Variants in HTRA3 observed in about 807,000 individuals in gnomAD.
HTRA3 encodes HtrA serine peptidase 3.
Under a neutral mutation model 43.2 loss-of-function variants are expected in HTRA3, and 41 were observed. The observed-to-expected ratio is 0.95, with a 90% CI of 0.74 to 1.23. HTRA3 has a LOEUF of 1.23. Among genes scored for constraint, HTRA3 ranks in the 50% most tolerant of loss-of-function variants. The probability of loss-of-function intolerance (pLI) is 0.00; values close to 1 mark genes in which losing one functional copy is unlikely to be tolerated. For synonymous variants in HTRA3, 295 were observed against 287.9 expected, an observed-to-expected ratio of 1.02 and a Z score of -0.25; for missense variants, 628 against 647.1, an observed-to-expected ratio of 0.97 and a Z score of 0.32.
At position 8,296,188 on chromosome 4, in the gene HTRA3, C is replaced by T. The variant is rs548594509; in HGVS notation, c.1051+1987C>T. The T allele has an allele frequency of 3.3e-5, 33 of 986,722 alleles. No homozygotes were observed. The African/African-American group carries it at 4.4e-4, about 13-fold the overall frequency. The allele number at this position is 986,722 out of a possible 1,614,324, so 61.1% of individuals were successfully genotyped here. On this transcript the variant is annotated intron_variant, in intron 6 of 8. Transcript: ENST00000307358. The surrounding 1 kb of genome is among the most constrained non-coding windows in gnomAD (Gnocchi z 5.3). The stretch of plus-strand genomic sequence containing the variant: ...TGGAAGTGGATGATAGTGTCCTCTT[C>T]CCTTCTTGCCTCTCTCTTTCTCCTG...
At chr4:8,290,254 T>C (rs58441277) in intron 3 of HTRA3, among the ~76,000 whole-genome samples, 27,458 of 152,250 alleles carry the variant, frequency 0.18, 4,381 homozygotes, top group African/African-American at 0.43. Flanking sequence ...CTCCACGTCG[T>C]CCCCATTATT....
At position 8,286,381 on chromosome 4, in the gene HTRA3, C is replaced by A. The variant is rs191517524; in HGVS notation, c.486-180C>A. On this transcript the variant is annotated intron_variant, in intron 2 of 8. Transcript: ENST00000307358. This position sits in a 1 kb window ranked among gnomAD's most constrained non-coding sequence, Gnocchi z 4.9. ...CTTTATGGCTGTGAATGGGTGCAGG[C>A]GCCGGTGACTTGGCCAGGTCACAGG... 2.6e-3 allele frequency among the ~76,000 whole-genome samples: 396 copies of A among 152,214 alleles called. 5 individuals are homozygous for A. Among genetic ancestry groups the A allele is most frequent in the African/African-American group, 9.0e-3 (372 of 41,522 alleles).
At position 8,291,876 on chromosome 4, in the gene HTRA3, T is replaced by A. The variant is rs1449481570; in HGVS notation, c.903+312T>A. Among the ~76,000 whole-genome samples, 4 of 152,138 alleles carry A rather than the reference T, an allele frequency of 2.6e-5. No individual in the cohort carries two copies. The East Asian group carries it at 7.7e-4, about 29-fold the overall frequency. On this transcript the variant is annotated intron_variant, in intron 4 of 8. Transcript: ENST00000307358. ...ACACCCTGGCCAACATTGCTTTTCA[T>A]TATTATTGTGATTATGTTGGTGGCA...
In HTRA3 at chr4:8,291,401, C is replaced by T. The variant is rs200184251; in HGVS notation, c.740C>T (p.Ser247Leu). ...CTCCCTGTGTTGTTGCTGGGTCACT[C>T]GGCCGACCTGCGGCCTGGGGAGTTT... ...KKLPVLLLGH[S>L]ADLRPGEFVV... is the part of the protein sequence containing the mutation. The change falls in exon 4 of 9, where the codon TCG becomes TTG. Residue 247 changes from serine to leucine, a missense_variant. By Grantham distance (145) the Ser-to-Leu change is moderately radical (BLOSUM62 -2). Coordinates refer to ENST00000307358, the MANE Select transcript of HTRA3 (RefSeq NM_053044.5). The T allele has an allele frequency of 1.2e-5, 20 of 1,613,572 alleles. No homozygotes were observed. Among genetic ancestry groups the T allele is most frequent in the South Asian group, 7.7e-5 (7 of 91,088 alleles).
rs959479018 is a variant in HTRA3 at position 8,291,264 on chromosome 4, A to T, written c.709-106A>T. On this transcript the variant is annotated intron_variant, in intron 3 of 8. Transcript: ENST00000307358. ...TCACAGTCCTGGTGGCTTTGCACAG[A>T]TGTGCATGCCTTCCCTGGGACCCCC... The T allele has an allele frequency of 1.2e-5, 12 of 960,988 alleles. No individual in the cohort carries two copies. In the East Asian group the frequency reaches 2.9e-4, roughly 23 times the overall value. The allele number at this position is 960,988 out of a possible 1,614,324, so 59.5% of individuals were successfully genotyped here.
rs1713837636 is a variant in HTRA3, at chr4:8,306,091, G to A, written c.1317G>A (p.Gly439=). Residue 439 remains glycine (G), a synonymous_variant, in exon 9 of 9, where the codon GGG becomes GGA. Coordinates refer to ENST00000307358, the MANE Select transcript of HTRA3 (RefSeq NM_053044.5). This position sits in a 1 kb window ranked among gnomAD's most constrained non-coding sequence, Gnocchi z 8.9. ...ESPLLLEVRR[G]NDDLLFSIAP... is the part of the protein sequence containing the mutation. Reference sequence around the variant, plus strand: ...CTCTCCTACTGGAGGTGCGGCGGGGGAACGACGACCTCCTCTTCAGCATCG... The same window carrying A: ...CTCTCCTACTGGAGGTGCGGCGGGGAAACGACGACCTCCTCTTCAGCATCG... 1 of 1,608,180 alleles carries A rather than the reference G, an allele frequency of 6.2e-7. No individual in the cohort carries two copies. Among genetic ancestry groups the A allele is most frequent in the Non-Finnish European group, 8.5e-7 (1 of 1,176,064 alleles).
rs1038321430 is a variant in HTRA3 at position 8,279,181 on chromosome 4, C to T, written c.386-3256C>T. ...TGTGGGAAACAGGCCACCTCCCAGC[C>T]CAGCCCCACGGCCCTTCTGTCTCAG... is the stretch of plus-strand genomic sequence containing the variant. On this transcript the variant is annotated intron_variant, in intron 1 of 8. Transcript: ENST00000307358. This position sits in a 1 kb window ranked among gnomAD's most constrained non-coding sequence, Gnocchi z 7.4. Among the ~76,000 whole-genome samples the T allele has an allele frequency of 5.9e-5, 9 of 152,154 alleles. No homozygotes were observed. The highest frequency in any genetic ancestry group is 2.2e-4 in the African/African-American group (9 of 41,430).
At position 8,295,617 on chromosome 4, in the gene HTRA3, C is replaced by A; in HGVS notation, c.1051+1416C>A. ...CTTCTCCCTCCTGCCATTGTGTCTC[C>A]TGTGCCCACCTCCTGGCCAACGCCC... On this transcript the variant is annotated intron_variant, in intron 6 of 8. Transcript: ENST00000307358. The surrounding 1 kb of genome is among the most constrained non-coding windows in gnomAD (Gnocchi z 6.9). The A allele has an allele frequency of 8.9e-7, 1 of 1,124,980 alleles. No homozygotes were observed. 69.7% of individuals were successfully genotyped at this position (1,124,980 alleles called of 1,614,324 possible).
At chr4:8,281,662 G>A (rs902319620) in intron 1 of HTRA3, among the ~76,000 whole-genome samples, 1 of 152,230 alleles carries the variant, frequency 6.6e-6, no homozygotes, top group Non-Finnish European at 1.5e-5. Context: ...AGAGAGCCCG[G>A]CACAGGCCCG....
At chr4:8,281,706 C>T (rs1017032898) in intron 1 of HTRA3, among the ~76,000 whole-genome samples, 28 of 152,252 alleles carry the variant, frequency 1.8e-4, no homozygotes, top group African/African-American at 6.5e-4. Flanking sequence ...GGCCCCGTGC[C>T]ACTGCATGCC....
intron 1 of HTRA3, among the ~76,000 whole-genome samples, chr4:8,272,050 C>G (rs566015618): frequency 2.0e-5 from 3 of 152,290 alleles, no homozygotes; most frequent in South Asian, 4.1e-4. Context: ...GGTACCTTTC[C>G]TGGGCCTGCC....
chr4:8,275,347 G>A (rs539228929), intron 1 of HTRA3, among the ~76,000 whole-genome samples: 2 of 152,314 alleles, frequency 1.3e-5, no homozygotes, highest in Admixed American at 1.3e-4. Context: ...GCCGAAAGCT[G>A]GGCCATGGCT....
Position 8,286,468 on chromosome 4 carries a change from C to A in HTRA3, c.486-93C>A. On this transcript the variant is annotated intron_variant, in intron 2 of 8. Coordinates refer to ENST00000307358, the MANE Select transcript of HTRA3 (RefSeq NM_053044.5). This position sits in a 1 kb window ranked among gnomAD's most constrained non-coding sequence, Gnocchi z 4.9. ...CTGTGTTCTGTCAGCCACACACTGG[C>A]TCTGCTCCTCGCTGACCAGCCCCAC... 1 of 981,422 alleles carries A rather than the reference C, an allele frequency of 1.0e-6. No homozygotes were observed. The highest frequency in any genetic ancestry group is 1.6e-6 in the Non-Finnish European group (1 of 622,706). The allele number at this position is 981,422 out of a possible 1,614,324, so 60.8% of individuals were successfully genotyped here.
chr4:8,269,880 G>T lies in HTRA3; in HGVS notation c.-89G>T, dbSNP rs1712170270. 1.7e-6 allele frequency: 1 copy of T among 598,658 alleles called. No individual in the cohort carries two copies. Among genetic ancestry groups the T allele is most frequent in the Non-Finnish European group, 2.1e-6 (1 of 474,296 alleles). The allele number at this position is 598,658 out of a possible 1,614,324, so 37.1% of individuals were successfully genotyped here. A position where few individuals can be genotyped will look rare whatever the true frequency, so the allele number is the denominator to read the frequency against. ...GTCCGCCCCAGTCCCATCCGTAGGC[G>T]CCCGGCGCCCGGCCCCGCAGCGGCC... On this transcript the variant is annotated 5_prime_UTR_variant, in exon 1 of 9. Coordinates refer to ENST00000307358, the MANE Select transcript of HTRA3 (RefSeq NM_053044.5).
At chr4:8,294,584 C>G (rs1263932989) in intron 6 of HTRA3, among the ~76,000 whole-genome samples, 3 of 12 alleles carry the variant, frequency 0.25, no homozygotes, top group Non-Finnish European at 0.3. Context: ...GTCCGTCCGT[C>G]CATCCATCCA....
At chr4:8,278,156 G>GC (rs1666130520) in intron 1 of HTRA3, among the ~76,000 whole-genome samples, 1 of 152,134 alleles carries the variant, frequency 6.6e-6, no homozygotes, top group Admixed American at 6.5e-5. Context: ...TCCAGAGCCA[G>GC]CACGTGGTCC....
intron 1 of HTRA3, among the ~76,000 whole-genome samples, chr4:8,277,696 G>A (rs898595167): frequency 2.0e-5 from 3 of 152,236 alleles, no homozygotes; most frequent in Admixed American, 2.0e-4. Context: ...CAGCACGTGA[G>A]GCTGCAGATG....
intron 2 of HTRA3, among the ~76,000 whole-genome samples, chr4:8,284,394 C>T (rs1374730482): frequency 2.0e-5 from 3 of 152,214 alleles, no homozygotes; most frequent in Admixed American, 6.5e-5. Flanking sequence ...GACTCCAGCC[C>T]GGCTGGGAGG....
At chr4:8,277,008 G>A (rs1164501432) in intron 1 of HTRA3, among the ~76,000 whole-genome samples, 2 of 152,220 alleles carry the variant, frequency 1.3e-5, no homozygotes, top group Admixed American at 6.5e-5. Context: ...ATCGGGTCCC[G>A]CCTGCGAGGT....
Sources: allele counts gnomAD v4.1 joint callset (sites outside exome capture counted in the v4.1 genomes callset), GRCh38; gene constraint gnomAD v4.1.1; non-coding constraint Gnocchi (gnomAD v3.1); transcripts MANE v1.5; gene names NCBI Gene and HGNC (gene_info 2026-07-23, HGNC 2026-07-21).